SNED1: variants seen among roughly 807,000 people sequenced by gnomAD.
The protein encoded by SNED1 is sushi, nidogen and EGF-like domain-containing protein 1.
SNED1 carries 81 observed loss-of-function variants against 166.7 expected under a neutral mutation model. The observed-to-expected ratio is 0.49, with a 90% confidence interval of 0.41 to 0.58. The LOEUF (loss-of-function observed/expected upper bound fraction) is 0.58, where lower values mean the gene tolerates loss of function less well. Ranked by LOEUF, SNED1 falls within the 20% of genes least tolerant of loss-of-function variation. The pLI, the probability that SNED1 is intolerant of heterozygous loss-of-function variation, is 0.00. For synonymous variants in SNED1, 762 were observed against 822.0 expected, an observed-to-expected ratio of 0.93 and a Z score of 1.25; for missense variants, 1,604 against 2,000.2, an observed-to-expected ratio of 0.80 and a Z score of 3.78.
chr2:241,064,978 C>T lies in SNED1; in HGVS notation c.2713+21C>T. The T allele has an allele frequency of 6.5e-7, 1 of 1,540,310 alleles. No individual in the cohort carries two copies. The highest frequency in any genetic ancestry group is 8.7e-7 in the Non-Finnish European group (1 of 1,143,782). On this transcript the variant is annotated intron_variant, in intron 20 of 31. Coordinates refer to ENST00000310397, the MANE Select transcript of SNED1 (RefSeq NM_001080437.3). The surrounding 1 kb of genome is among the most constrained non-coding windows in gnomAD (Gnocchi z 7.0). ...CAAAGGTGGGTGGCGAGGGCGCCTC[C>T]AGTGAGGGAGCCACGAGGGGGTCCC...
At position 241,094,466 on chromosome 2, in the gene SNED1, T is replaced by C; in HGVS notation, c.*2830T>C. ...AACAAAAGCACCTAGATTTCAGTGC[T>C]GAATCCCCACAATTGCATGCAGCTC... On this transcript the variant is annotated 3_prime_UTR_variant, in exon 32 of 32. Coordinates refer to ENST00000310397, the MANE Select transcript of SNED1 (RefSeq NM_001080437.3). The surrounding 1 kb of genome is among the most constrained non-coding windows in gnomAD (Gnocchi z 4.3). The C allele has an allele frequency of 2.1e-6, 1 of 467,162 alleles. No individual in the cohort carries two copies. The highest frequency in any genetic ancestry group is 4.4e-6 in the Non-Finnish European group (1 of 224,756). 28.9% of individuals were successfully genotyped at this position (467,162 alleles called of 1,614,324 possible). A position where few individuals can be genotyped will look rare whatever the true frequency, so the allele number is the denominator to read the frequency against.
chr2:241,055,365 T>C (rs999713104), intron 16 of SNED1, among the ~76,000 whole-genome samples: 3 of 152,084 alleles, frequency 2.0e-5, no homozygotes, highest in African/African-American at 7.2e-5. Context: ...CAGAAAAAGT[T>C]TTAACTTCCA....
chr2:241,067,735 G>A lies in SNED1; in HGVS notation c.3011-29G>A, dbSNP rs556470471. The A allele has an allele frequency of 3.8e-6, 6 of 1,571,396 alleles. No individual in the cohort carries two copies. The South Asian group carries it at 6.9e-5, about 18-fold the overall frequency. On this transcript the variant is annotated intron_variant, in intron 21 of 31. Transcript: ENST00000310397. ...CTCCCCCAGGAGCAAGGAGGGGCCG[G>A]CACCTGCTGAACAGTCCATTCCCCC...
Position 241,052,053 on chromosome 2 carries a change from C to A in SNED1, c.1865C>A (p.Ser622Ter). ...CTTCTGTTTCCAGGGAAGCCAGACT[C>A]GTGTGCCTCTGGCCCCTGTCACAAC... is the stretch of plus-strand genomic sequence containing the variant. ...GRHCEIGKPD[S>*]CASGPCHNGG... Residue 622 changes from serine to a stop codon, truncating the protein, a stop_gained, in exon 14 of 32, where the codon TCG becomes TAG. Transcript: ENST00000310397. LOFTEE classifies it high-confidence loss of function. 1 of 1,613,758 alleles carries A rather than the reference C, an allele frequency of 6.2e-7. No homozygotes were observed. The highest frequency in any genetic ancestry group is 8.5e-7 in the Non-Finnish European group (1 of 1,179,788).
chr2:241,088,908 C>T (rs144944569), intron 31 of SNED1: 5 of 200,264 alleles, frequency 2.5e-5, no homozygotes, highest in South Asian at 2.5e-4. Flanking sequence ...GGGCCTTGAT[C>T]GCTTAATATT....
intron 1 of SNED1, among the ~76,000 whole-genome samples, chr2:241,024,235 C>CCT (rs2060867195): frequency 2.1e-5 from 1 of 46,908 alleles, no homozygotes; most frequent in Admixed American, 3.5e-4. Flanking sequence ...ACTCTACTAC[C>CCT]TTTTTTTTTT....
At chr2:241,074,344 CAGG>C (rs761908775) in intron 27 of SNED1, 2 of 152,138 alleles carry the variant, frequency 1.3e-5, no homozygotes, top group African/African-American at 2.4e-5. Flanking sequence ...CTGTGAGCAC[CAGG>C]AGGACTGGTT....
In SNED1 at chr2:241,033,768, G is replaced by A. The variant is rs766092837; in HGVS notation, c.535G>A (p.Gly179Ser). ...ATTCCAGACTGTGCTCATCACAGAC[G>A]GCAAGCTCTCCTTCACCATCTTCAA... ...NTFQTVLITDGKLSFTIFNYE... is the reference protein window; with the variant it reads ...NTFQTVLITDSKLSFTIFNYE... The change falls in exon 3 of 32, where the codon GGC becomes AGC. Residue 179 changes from glycine to serine, a missense_variant. Gly to Ser is a moderately conservative substitution (Grantham distance 56). Transcript: ENST00000310397. 1.4e-5 allele frequency: 22 copies of A among 1,611,938 alleles called. No individual in the cohort carries two copies. Among genetic ancestry groups the A allele is most frequent in the African/African-American group, 1.1e-4 (8 of 74,900 alleles).
chr2:241,036,854 G>A lies in SNED1; in HGVS notation c.870G>A (p.Thr290=), dbSNP rs200313330. 514 of 1,611,678 alleles carry A rather than the reference G, an allele frequency of 3.2e-4. 1 individual carries two copies. The highest frequency in any genetic ancestry group is 4.1e-4 in the Non-Finnish European group (482 of 1,179,688). ...GCAAGTGCATCGACGACTGCGTCAC[G>A]GGCAACCCCTCCTACACCTGCTCCT... ...NGGKCIDDCV[T]GNPSYTCSCL... Residue 290 remains threonine (T), a synonymous_variant, in exon 5 of 32, where the codon ACG becomes ACA. Coordinates refer to ENST00000310397, the MANE Select transcript of SNED1 (RefSeq NM_001080437.3).
At chr2:241,082,419 TC>T in intron 29 of SNED1, 55 bp downstream of exon 29, 1 of 1,390,150 alleles carries the variant, frequency 7.2e-7, no homozygotes, top group East Asian at 2.3e-5. Flanking sequence ...TCTTGACTCC[TC>T]AAAGTGCTGT....
chr2:241,011,059 G>A (rs2060377118), intron 1 of SNED1, among the ~76,000 whole-genome samples: 2 of 151,976 alleles, frequency 1.3e-5, no homozygotes, highest in Admixed American at 6.6e-5. Flanking sequence ...TCCCTGCCTG[G>A]GGGTGGCAGG....
chr2:241,086,142 C>G (rs775830439), intron 29 of SNED1, among the ~76,000 whole-genome samples: 5 of 152,158 alleles, frequency 3.3e-5, no homozygotes, highest in Non-Finnish European at 5.9e-5. Flanking sequence ...GCTGGTATTA[C>G]AGGAGTGAGC....
chr2:241,061,854 C>CAA (rs1008386547), intron 16 of SNED1, among the ~76,000 whole-genome samples: 3 of 118,102 alleles, frequency 2.5e-5, no homozygotes, highest in Admixed American at 8.8e-5. Context: ...TCCATCCCCC[C>CAA]AAAAAAAAAA....
At chr2:241,070,882 C>T (rs1158716373) in intron 24 of SNED1, among the ~76,000 whole-genome samples, 3 of 152,184 alleles carry the variant, frequency 2.0e-5, no homozygotes, top group African/African-American at 2.4e-5. Flanking sequence ...GAGCAGTGCG[C>T]GGCTCCCCAG....
In SNED1 at chr2:241,073,115, G is replaced by A. The variant is rs1452533225; in HGVS notation, c.3818-151G>A. 4.9e-6 allele frequency: 3 copies of A among 608,652 alleles called. No homozygotes were observed. Among genetic ancestry groups the A allele is most frequent in the Admixed American group, 5.7e-5 (2 of 34,974 alleles). 37.7% of individuals were successfully genotyped at this position (608,652 alleles called of 1,614,324 possible). A position where few individuals can be genotyped will look rare whatever the true frequency, so the allele number is the denominator to read the frequency against. ...AGCCCTTCAGGGGAGGCAGCTCTGGGGCCGACAGGTGCTGGGGCCACGCAG... is the reference window on the plus strand; with the variant it reads ...AGCCCTTCAGGGGAGGCAGCTCTGGAGCCGACAGGTGCTGGGGCCACGCAG... On this transcript the variant is annotated intron_variant, in intron 26 of 31. Transcript: ENST00000310397. The surrounding 1 kb of genome is among the most constrained non-coding windows in gnomAD (Gnocchi z 6.6).
chr2:241,078,340 G>A (rs570423246), intron 27 of SNED1, among the ~76,000 whole-genome samples: 7 of 146,708 alleles, frequency 4.8e-5, no homozygotes, highest in Non-Finnish European at 8.9e-5. Context: ...GTGAGATCGC[G>A]CCACTGCACT....
chr2:241,010,287 A>G (rs2060350712), intron 1 of SNED1: 1 of 152,246 alleles, frequency 6.6e-6, no homozygotes. Flanking sequence ...GCTGTTGCAT[A>G]TCGGCACTTT....
At chr2:241,087,785 T>C in intron 30 of SNED1, 1 of 957,194 alleles carries the variant, frequency 1.0e-6, no homozygotes, top group Non-Finnish European at 1.4e-6. Flanking sequence ...GCCCCGAGTA[T>C]TTAATGGCCG....
chr2:241,025,415 T>G lies in SNED1; in HGVS notation c.214-4869T>G, dbSNP rs566834206. ...ACACTTTTAACTTATTAATATTCAC[T>G]ACCAAGTTCATTTATACGTTTACTC... On this transcript the variant is annotated intron_variant, in intron 1 of 31. Coordinates refer to ENST00000310397, the MANE Select transcript of SNED1 (RefSeq NM_001080437.3). 1.6e-4 allele frequency among the ~76,000 whole-genome samples: 24 copies of G among 152,306 alleles called. 1 individual carries two copies. The South Asian group carries it at 4.4e-3, about 28-fold the overall frequency.
Sources: allele counts gnomAD v4.1 joint callset (sites outside exome capture counted in the v4.1 genomes callset), GRCh38; gene constraint gnomAD v4.1.1; non-coding constraint Gnocchi (gnomAD v3.1); transcripts MANE v1.5; gene names NCBI Gene and HGNC (gene_info 2026-07-23, HGNC 2026-07-21).